Variants in NXPE4 observed in about 807,000 individuals in gnomAD.
NXPE4 encodes neurexophilin and PC-esterase domain family member 4, also known as NXPE family member 4.
NXPE4 carries 42 observed loss-of-function variants against 33.3 expected under a neutral mutation model. The ratio of observed to expected loss-of-function variants is 1.26; its 90% confidence interval spans 0.98 to 1.63. The LOEUF (loss-of-function observed/expected upper bound fraction) is 1.63, where lower values mean the gene tolerates loss of function less well. Ranked by LOEUF, NXPE4 falls within the 40% of genes most tolerant of loss-of-function variation. The pLI is 0.00. For missense variants in NXPE4, 709 were observed against 647.6 expected (o/e 1.09, Z -1.03); for synonymous variants, 253 against 234.9 (o/e 1.08, Z -0.71).
chr11:114,640,618 G>A, the NXPE4 span, among the ~76,000 whole-genome samples: 1 of 151,848 alleles, frequency 6.6e-6, no homozygotes, highest in African/African-American at 2.4e-5. Context: ...ACGAACATCT[G>A]TTGGTTTTTT....
chr11:114,640,622 G>T, the NXPE4 span, among the ~76,000 whole-genome samples: 1 of 151,710 alleles, frequency 6.6e-6, no homozygotes, highest in African/African-American at 2.4e-5. Flanking sequence ...ACATCTGTTG[G>T]TTTTTTACTT....
At chr11:114,626,492 A>G in the NXPE4 span, among the ~76,000 whole-genome samples, 1 of 152,210 alleles carries the variant, frequency 6.6e-6, no homozygotes, top group Non-Finnish European at 1.5e-5. Context: ...AAACTAACAG[A>G]AAGGACATCC....
chr11:114,671,605 C>T, the NXPE4 span, among the ~76,000 whole-genome samples: 1 of 151,880 alleles, frequency 6.6e-6, no homozygotes, highest in African/African-American at 2.4e-5. Context: ...TCTTTAGAAA[C>T]AGTGGCACCA....
chr11:114,612,845 C>T, the NXPE4 span, among the ~76,000 whole-genome samples: 1 of 151,834 alleles, frequency 6.6e-6, no homozygotes, highest in Non-Finnish European at 1.5e-5. Context: ...TAAGTATTGC[C>T]TTGTGGGTAA....
At chr11:114,606,325 GATA>G in the NXPE4 span, among the ~76,000 whole-genome samples, 2 of 151,148 alleles carry the variant, frequency 1.3e-5, no homozygotes, top group African/African-American at 2.4e-5. Flanking sequence ...TTACCCAGTG[GATA>G]ATAAGTGTTA....
At chr11:114,640,232 A>T in the NXPE4 span, among the ~76,000 whole-genome samples, 3 of 141,144 alleles carry the variant, frequency 2.1e-5, no homozygotes, top group African/African-American at 5.2e-5. Context: ...TATATATATA[A>T]ATTATATATT....
the NXPE4 span, among the ~76,000 whole-genome samples, chr11:114,676,102 G>GA: frequency 2.0e-5 from 3 of 151,748 alleles, no homozygotes; most frequent in Non-Finnish European, 4.4e-5. Flanking sequence ...AAATCCAACT[G>GA]AAAATGGATT....
At chr11:114,571,972 CA>C (rs1236126248) in intron 5 of NXPE4, among the ~76,000 whole-genome samples, 1 of 152,192 alleles carries the variant, frequency 6.6e-6, no homozygotes, top group Non-Finnish European at 1.5e-5. Context: ...AACAAAAACA[CA>C]ACCAAAGACC....
the NXPE4 span, among the ~76,000 whole-genome samples, chr11:114,639,063 C>T: frequency 1.3e-5 from 2 of 151,620 alleles, no homozygotes; most frequent in African/African-American, 4.9e-5. Context: ...GTGCCCTGCC[C>T]CCAGAGGTGG....
At chr11:114,631,351 T>A in the NXPE4 span, among the ~76,000 whole-genome samples, 6 of 151,670 alleles carry the variant, frequency 4.0e-5, no homozygotes, top group Non-Finnish European at 5.9e-5. Flanking sequence ...CCATAAAAAA[T>A]GATGAGTTCA....
upstream of NXPE4, among the ~76,000 whole-genome samples, chr11:114,597,713 C>T (rs1949591267): frequency 6.6e-6 from 1 of 152,030 alleles, no homozygotes; most frequent in Non-Finnish European, 1.5e-5. Context: ...CCTGGAGCAT[C>T]TCGGGGTGCT....
chr11:114,617,036 CCT>C, the NXPE4 span, among the ~76,000 whole-genome samples: 1 of 151,440 alleles, frequency 6.6e-6, no homozygotes, highest in African/African-American at 2.4e-5. Flanking sequence ...TCGTGGGTAA[CCT>C]CTGTTACCCA....
chr11:114,671,687 A>G, the NXPE4 span, among the ~76,000 whole-genome samples: 1 of 152,026 alleles, frequency 6.6e-6, no homozygotes, highest in African/African-American at 2.4e-5. Context: ...AGAGTGTTTT[A>G]TCTAGCAAAA....
At chr11:114,642,485 C>T in the NXPE4 span, among the ~76,000 whole-genome samples, 2 of 151,984 alleles carry the variant, frequency 1.3e-5, no homozygotes, top group Non-Finnish European at 2.9e-5. Context: ...CATGTGTTCT[C>T]ATTGTTCCAC....
At chr11:114,616,501 C>T in the NXPE4 span, among the ~76,000 whole-genome samples, 13 of 151,552 alleles carry the variant, frequency 8.6e-5, no homozygotes, top group East Asian at 5.8e-4. Context: ...CACTGTTAAC[C>T]GGTGGATAAT....
the NXPE4 span, among the ~76,000 whole-genome samples, chr11:114,651,402 G>A: frequency 6.6e-6 from 1 of 152,176 alleles, no homozygotes; most frequent in Non-Finnish European, 1.5e-5. Flanking sequence ...GCTGGCTTCA[G>A]GAGTGAAGCT....
At chr11:114,613,351 C>T in the NXPE4 span, among the ~76,000 whole-genome samples, 10 of 151,666 alleles carry the variant, frequency 6.6e-5, no homozygotes, top group Admixed American at 2.0e-4. Flanking sequence ...AGTACTGCCT[C>T]GTGGATAACC....
the NXPE4 span, among the ~76,000 whole-genome samples, chr11:114,657,146 T>G: frequency 6.6e-6 from 1 of 152,276 alleles, no homozygotes; most frequent in Non-Finnish European, 1.5e-5. Flanking sequence ...TGTACTATAC[T>G]CATCCTCAGT....
At chr11:114,632,905 C>A in the NXPE4 span, among the ~76,000 whole-genome samples, 2 of 41,290 alleles carry the variant, frequency 4.8e-5, no homozygotes, top group Admixed American at 4.5e-4. Context: ...TTATGTAATA[C>A]AATATTATAT....
Sources: gnomAD v4.1 joint callset for allele counts (sites outside exome capture counted in the v4.1 genomes callset) on GRCh38, gnomAD v4.1.1 for gene constraint, MANE v1.5 for transcripts, NCBI Gene and HGNC (gene_info 2026-07-23, HGNC 2026-07-21) for gene names.